OGDH: variants seen among roughly 807,000 people sequenced by gnomAD.
OGDH encodes 2-oxoglutarate dehydrogenase complex component E1.
A neutral mutation model predicts 116.6 loss-of-function variants in OGDH; 38 were observed. The ratio of observed to expected loss-of-function variants is 0.33; its 90% CI spans 0.25 to 0.43. The LOEUF (loss-of-function observed/expected upper bound fraction) is 0.43, where lower values mean the gene tolerates loss of function less well. OGDH is among the 20% of genes least tolerant of loss of function. OGDH has a pLI of 1.00. For synonymous variants in OGDH, 488 were observed against 533.3 expected (o/e 0.92, Z 1.17); for missense variants, 825 against 1,357.2 (o/e 0.61, Z 6.16).
chr7:44,683,412 G>A (rs181786693), intron 10 of OGDH, among the ~76,000 whole-genome samples: 1 of 151,956 alleles, frequency 6.6e-6, no homozygotes, highest in African/African-American at 2.4e-5. Context: ...TTTATTTTGT[G>A]TAGAGGCGGG....
At position 44,676,068 on chromosome 7, in the gene OGDH, C is replaced by T. The variant is rs1359951023; in HGVS notation, c.1125C>T (p.Ser375=). Residue 375 remains serine, a synonymous_variant, in exon 9 of 23, where the codon TCC becomes TCT. Coordinates refer to ENST00000222673, the MANE Select transcript of OGDH (RefSeq NM_002541.4). ...CCTTGTCCTTGGTGGCCAACCCTTCCCACCTTGAGGCCGCTGACCCCGTGG... is the reference window on the plus strand; with the variant it reads ...CCTTGTCCTTGGTGGCCAACCCTTCTCACCTTGAGGCCGCTGACCCCGTGG... ...NITLSLVANP[S]HLEAADPVVM... The T allele has an allele frequency of 2.5e-6, 4 of 1,613,918 alleles. No individual in the cohort carries two copies. The highest frequency in any genetic ancestry group is 3.4e-6 in the Non-Finnish European group (4 of 1,180,022).
intron 4 of OGDH, among the ~76,000 whole-genome samples, chr7:44,660,268 G>A (rs905665109): frequency 1.1e-4 from 16 of 152,148 alleles, no homozygotes; most frequent in African/African-American, 3.9e-4. Flanking sequence ...AAGACTACAG[G>A]TGTATGCCAC....
At chr7:44,695,331 A>C (rs1255224382) in intron 12 of OGDH, among the ~76,000 whole-genome samples, 1 of 152,024 alleles carries the variant, frequency 6.6e-6, no homozygotes. Flanking sequence ...CCTGACCTCA[A>C]GTGATCTGCC....
chr7:44,678,346 T>C (rs1787788294), intron 9 of OGDH, among the ~76,000 whole-genome samples: 2 of 152,124 alleles, frequency 1.3e-5, no homozygotes, highest in African/African-American at 4.8e-5. Context: ...ACCGAAAACT[T>C]TGGGTGATTC....
chr7:44,670,787 A>G (rs189307209), intron 5 of OGDH, among the ~76,000 whole-genome samples: 1,549 of 151,948 alleles, frequency 0.01, 24 homozygotes, highest in African/African-American at 0.034. Context: ...AAGGCGGGCG[A>G]ATCACGAGGT....
rs755760924 is a variant in OGDH, at chr7:44,674,594, A to G, written c.935+37A>G. Reference sequence around the variant, plus strand: ...GGCGCGCCCAACCTGGTTTCTCACCATCCCTGTGGGCTGTGTAGGAGGCAC... The same window carrying G: ...GGCGCGCCCAACCTGGTTTCTCACCGTCCCTGTGGGCTGTGTAGGAGGCAC... On this transcript the variant is annotated intron_variant, in intron 7 of 22. Coordinates refer to ENST00000222673, the MANE Select transcript of OGDH (RefSeq NM_002541.4). 15 of 1,611,756 alleles carry G rather than the reference A, an allele frequency of 9.3e-6. No individual in the cohort carries two copies. The East Asian group carries it at 3.1e-4, about 34-fold the overall frequency.
intron 10 of OGDH, among the ~76,000 whole-genome samples, chr7:44,688,709 C>T (rs997234926): frequency 6.6e-6 from 1 of 151,834 alleles, no homozygotes. Context: ...GGATTACAAG[C>T]GTGAGCCACA....
intron 4 of OGDH, among the ~76,000 whole-genome samples, chr7:44,650,335 G>A (rs747886602): frequency 6.6e-5 from 10 of 152,044 alleles, no homozygotes; most frequent in African/African-American, 1.4e-4. Flanking sequence ...TCAGAGAGCC[G>A]GGACTCTGGA....
At chr7:44,614,275 G>T in intron 1 of OGDH, among the ~76,000 whole-genome samples, 1 of 144,106 alleles carries the variant, frequency 6.9e-6, no homozygotes, top group Non-Finnish European at 1.5e-5. Context: ...ATTTCTCTCT[G>T]GCTGCCTTCA....
In OGDH at chr7:44,698,213, C is replaced by T. The variant is rs773839076; in HGVS notation, c.2380C>T (p.Arg794Cys). Residue 794 changes from arginine to cysteine, a missense_variant, in exon 18 of 23, where the codon CGC becomes TGC. Around this residue, in one of 7 missense-constraint regions of OGDH, gnomAD observed 73 missense variants for 182.3 expected, o/e 0.40. Transcript: ENST00000222673. The stretch of plus-strand genomic sequence containing the variant: ...CCAGGGTCCAGAACATTCCTCCGCC[C>T]GCCCAGAGCGGTTCTTGCAGATGTG... ...EGMGPEHSSA[R>C]PERFLQMCND... 2.5e-6 allele frequency: 4 copies of T among 1,614,152 alleles called. No individual in the cohort carries two copies. Among genetic ancestry groups the T allele is most frequent in the Non-Finnish European group, 3.4e-6 (4 of 1,180,030 alleles).
rs781501495 is a variant in OGDH at position 44,697,074 on chromosome 7, T to TGGA, written c.2051+12_2051+13insAGG. ...AGCGGGGCACATTCAGGTAACGTTC[T>TGGA]GGGCAGTTTTGTTTGCCCTCCAAAG... On this transcript the variant is annotated intron_variant, in intron 15 of 22. Transcript: ENST00000222673. The surrounding 1 kb of genome is among the most constrained non-coding windows in gnomAD (Gnocchi z 6.0). The TGGA allele has an allele frequency of 2.9e-5, 47 of 1,606,374 alleles. No individual in the cohort carries two copies. The African/African-American group carries it at 5.8e-4, about 20-fold the overall frequency.
Position 44,653,336 on chromosome 7 carries a change from G to A in OGDH, c.517+5577G>A, listed in dbSNP as rs767343266. 2.0e-5 allele frequency among the ~76,000 whole-genome samples: 3 copies of A among 151,896 alleles called. No individual in the cohort carries two copies. The South Asian group carries it at 6.2e-4, about 32-fold the overall frequency. On this transcript the variant is annotated intron_variant, in intron 4 of 22. Transcript: ENST00000222673. ...TTGAACTCCTGGCCTCAAGTGAGTC[G>A]CCCGTCTCGGACTCCCAAAGTGTTG...
At chr7:44,672,331 T>C (rs1301609735) in intron 5 of OGDH, among the ~76,000 whole-genome samples, 1 of 152,148 alleles carries the variant, frequency 6.6e-6, no homozygotes, top group Non-Finnish European at 1.5e-5. Context: ...CTTTAACTGC[T>C]CATGCCAGCT....
rs144402620 is a variant in OGDH at position 44,707,731 on chromosome 7, C to G, written c.2946C>G (p.Pro982=). 1 of 1,614,126 alleles carries G rather than the reference C, an allele frequency of 6.2e-7. No individual in the cohort carries two copies. Among genetic ancestry groups the G allele is most frequent in the South Asian group, 1.1e-5 (1 of 91,086 alleles). Residue 982 remains proline, a synonymous_variant, in exon 22 of 23, where the codon CCC becomes CCG. Transcript: ENST00000222673. This position sits in a 1 kb window ranked among gnomAD's most constrained non-coding sequence, Gnocchi z 5.2. ...RLRTTISRAK[P]VWYAGRDPAA... ...GGACCACCATCAGCCGCGCCAAGCC[C>G]GTCTGGTAAGGCTTCAGTCCCTGCC...
At chr7:44,625,213 C>T (rs1438308937) in intron 2 of OGDH, among the ~76,000 whole-genome samples, 2 of 152,282 alleles carry the variant, frequency 1.3e-5, no homozygotes, top group African/African-American at 4.8e-5. Context: ...CAACCTCCGA[C>T]TCCTGGGTTC....
intron 9 of OGDH, among the ~76,000 whole-genome samples, chr7:44,679,542 A>G (rs1419119744): frequency 6.6e-6 from 1 of 152,210 alleles, no homozygotes; most frequent in African/African-American, 2.4e-5. Context: ...GGGTAATCAC[A>G]AGAACTCAGG....
chr7:44,699,919 C>T (rs1003956746), intron 18 of OGDH, among the ~76,000 whole-genome samples: 5 of 152,064 alleles, frequency 3.3e-5, no homozygotes, highest in South Asian at 2.1e-4. Context: ...AACCAGATCT[C>T]GTGTGAACTC....
At chr7:44,686,759 G>A (rs1788147666) in intron 10 of OGDH, among the ~76,000 whole-genome samples, 1 of 150,446 alleles carries the variant, frequency 6.6e-6, no homozygotes, top group Non-Finnish European at 1.5e-5. Context: ...CATGATCTCG[G>A]CTCACTGTAG....
intron 4 of OGDH, among the ~76,000 whole-genome samples, chr7:44,656,540 T>C (rs1786698698): frequency 6.6e-6 from 1 of 152,232 alleles, no homozygotes; most frequent in Non-Finnish European, 1.5e-5. Flanking sequence ...AACCAATAAG[T>C]AGAGCTACTT....
Sources: gnomAD v4.1 joint callset for allele counts (sites outside exome capture counted in the v4.1 genomes callset) on GRCh38, gnomAD v4.1.1 for gene constraint, gnomAD v4.1.1 regional missense constraint, Gnocchi (gnomAD v3.1) non-coding constraint, MANE v1.5 for transcripts, NCBI Gene and HGNC (gene_info 2026-07-23, HGNC 2026-07-21) for gene names.